CSMD1: variants seen among roughly 807,000 people sequenced by gnomAD.
CSMD1 encodes the protein CUB and Sushi multiple domains 1.
In CSMD1, 213 loss-of-function variants were observed where a neutral mutation model predicts 417.5. That is an observed-to-expected ratio of 0.51 (90% CI 0.46 to 0.57). The LOEUF is 0.57. Among genes scored for constraint, CSMD1 ranks in the 20% least tolerant of loss-of-function variants. CSMD1 has a pLI of 0.00. For synonymous variants in CSMD1, 2,862 were observed against 1,736.8 expected, an observed-to-expected ratio of 1.65 and a Z score of -16.11; for missense variants, 6,923 against 4,529.7, an observed-to-expected ratio of 1.53 and a Z score of -15.17.
intron 23 of CSMD1, among the ~76,000 whole-genome samples, chr8:3,321,882 G>T (rs1212522521): frequency 1.3e-5 from 2 of 152,116 alleles, no homozygotes. Context: ...TTTAAAAATA[G>T]CACTCAACCA....
intron 3 of CSMD1, among the ~76,000 whole-genome samples, chr8:4,237,174 C>T (rs1053376192): frequency 6.6e-5 from 10 of 152,166 alleles, no homozygotes; most frequent in African/African-American, 2.4e-4. Context: ...ATCAAGCTCC[C>T]TTCGCCTTTC....
intron 1 of CSMD1, among the ~76,000 whole-genome samples, chr8:4,970,978 A>T (rs1810204237): frequency 6.6e-6 from 1 of 152,244 alleles, no homozygotes; most frequent in South Asian, 2.1e-4. Flanking sequence ...GAAGAATAAT[A>T]AGAGTGTTAT....
intron 2 of CSMD1, among the ~76,000 whole-genome samples, chr8:4,477,387 C>T (rs1040071205): frequency 3.9e-5 from 6 of 152,130 alleles, no homozygotes; most frequent in Non-Finnish European, 8.8e-5. Flanking sequence ...GGCAACGCCT[C>T]GATCAGTCTC....
chr8:3,991,336 G>T (rs925375105), intron 5 of CSMD1, among the ~76,000 whole-genome samples: 2 of 152,182 alleles, frequency 1.3e-5, no homozygotes, highest in Admixed American at 6.5e-5. Context: ...GGCGTAGTCT[G>T]GGATGGCCAG....
At chr8:3,986,100 G>C (rs574845742) in intron 5 of CSMD1, among the ~76,000 whole-genome samples, 2 of 152,016 alleles carry the variant, frequency 1.3e-5, no homozygotes, top group South Asian at 4.2e-4. Flanking sequence ...GTTCGTATCT[G>C]GGAGCTACAA....
At chr8:3,595,970 T>G (rs1434375647) in intron 8 of CSMD1, among the ~76,000 whole-genome samples, 1 of 152,186 alleles carries the variant, frequency 6.6e-6, no homozygotes, top group African/African-American at 2.4e-5. Flanking sequence ...CTCCCTGAGA[T>G]CCAAGGTGAA....
intron 25 of CSMD1, 70 bp downstream of exon 25, chr8:3,307,625 C>A: frequency 6.8e-7 from 1 of 1,478,782 alleles, no homozygotes; most frequent in Admixed American, 1.8e-5. Flanking sequence ...TGGTGTACCA[C>A]TATCTCTGCT....
chr8:4,121,452 G>A (rs561646541), intron 3 of CSMD1, among the ~76,000 whole-genome samples: 8 of 152,216 alleles, frequency 5.3e-5, no homozygotes, highest in African/African-American at 1.7e-4. Context: ...CCGGTCAAGG[G>A]CTTCTTTGCT....
rs979814909 is a variant in CSMD1, at chr8:4,169,172, G to T, written c.416-137073C>A. The stretch of plus-strand genomic sequence containing the variant: ...TTAATGGTGTAAACACCGTCTCTAC[G>T]GTTTCAGAATGTTAACATAGTGTAC... On this transcript the variant is annotated intron_variant, in intron 3 of 69. Coordinates refer to ENST00000635120, the MANE Select transcript of CSMD1 (RefSeq NM_033225.6). Among the ~76,000 whole-genome samples, 3 of 152,060 alleles carry T rather than the reference G, an allele frequency of 2.0e-5. No individual in the cohort carries two copies. The East Asian group carries it at 5.8e-4, about 29-fold the overall frequency.
At chr8:4,330,363 G>C (rs78330630) in intron 3 of CSMD1, among the ~76,000 whole-genome samples, 10 of 152,156 alleles carry the variant, frequency 6.6e-5, no homozygotes, top group Admixed American at 5.9e-4. Context: ...AGGAGGACTA[G>C]TCAGGCAGAT....
In CSMD1 at chr8:3,563,203, G is replaced by C. The variant is rs192717891; in HGVS notation, c.1344+11742C>G. Among the ~76,000 whole-genome samples, 856 of 151,864 alleles carry C rather than the reference G, an allele frequency of 5.6e-3. 8 individuals are homozygous for C. Among genetic ancestry groups the C allele is most frequent in the Non-Finnish European group, 8.0e-3 (545 of 67,932 alleles). The stretch of plus-strand genomic sequence containing the variant: ...TTTTATTTAGTTGGGTTTTTTGTTT[G>C]TTTTCTAATGTCTTCCTTCTAAAGT... On this transcript the variant is annotated intron_variant, in intron 10 of 69. Transcript: ENST00000635120.
At chr8:4,149,094 G>C (rs1226092813) in intron 3 of CSMD1, among the ~76,000 whole-genome samples, 1 of 151,876 alleles carries the variant, frequency 6.6e-6, no homozygotes, top group Non-Finnish European at 1.5e-5. Context: ...CTCCCAAGTA[G>C]CTGGGATTAC....
At chr8:4,206,105 A>C (rs1799961620) in intron 3 of CSMD1, among the ~76,000 whole-genome samples, 1 of 152,210 alleles carries the variant, frequency 6.6e-6, no homozygotes, top group Admixed American at 6.5e-5. Context: ...TAGGATAAAC[A>C]ACGCAGGGAA....
intron 1 of CSMD1, among the ~76,000 whole-genome samples, chr8:4,675,478 C>G (rs117396680): frequency 6.6e-6 from 1 of 152,026 alleles, no homozygotes; most frequent in Non-Finnish European, 1.5e-5. Flanking sequence ...GAACAATACA[C>G]GGATAACAAG....
In CSMD1 at chr8:4,710,361, TTAAA is replaced by T. The variant is rs1039705029; in HGVS notation, c.86-72807_86-72804del. Among the ~76,000 whole-genome samples the T allele has an allele frequency of 2.1e-3, 320 of 148,954 alleles. 1 individual carries two copies. Among genetic ancestry groups the T allele is most frequent in the African/African-American group, 7.5e-3 (308 of 40,918 alleles). On this transcript the variant is annotated intron_variant, in intron 1 of 69. Transcript: ENST00000635120. ...GTACATTAATACTTCAATTATATAT[TTAAA>T]TAAACATATGAAGTAAATAAAAATA...
intron 1 of CSMD1, among the ~76,000 whole-genome samples, chr8:4,751,148 G>A (rs753619924): frequency 6.6e-6 from 1 of 152,212 alleles, no homozygotes; most frequent in Non-Finnish European, 1.5e-5. Flanking sequence ...ACTTTGGGAG[G>A]CCGAGGTGGG....
At chr8:2,951,422 G>A in intron 65 of CSMD1, 147 bp from the exon 66 acceptor site, 1 of 778,556 alleles carries the variant, frequency 1.3e-6, no homozygotes, top group Non-Finnish European at 1.9e-6. Flanking sequence ...GTGCATCGCT[G>A]TTCACAGCAC....
At chr8:3,852,879 G>T (rs780593400) in intron 5 of CSMD1, among the ~76,000 whole-genome samples, 1 of 152,060 alleles carries the variant, frequency 6.6e-6, no homozygotes, top group African/African-American at 2.4e-5. Context: ...CAGCATCCAC[G>T]CAGGTTCCTA....
chr8:3,361,292 G>A (rs954972524), intron 20 of CSMD1, among the ~76,000 whole-genome samples: 2 of 151,938 alleles, frequency 1.3e-5, no homozygotes, highest in South Asian at 4.2e-4. Flanking sequence ...GATATACTGT[G>A]TGCACTCAAT....
Sources: gnomAD v4.1 joint callset for allele counts (sites outside exome capture counted in the v4.1 genomes callset) on GRCh38, gnomAD v4.1.1 for gene constraint, MANE v1.5 for transcripts, NCBI Gene and HGNC (gene_info 2026-07-23, HGNC 2026-07-21) for gene names.